Variants in RBM25 observed in about 807,000 individuals in gnomAD.
RBM25 encodes RNA binding motif protein 25.
In RBM25, 19 loss-of-function variants were observed where a neutral mutation model predicts 120.7. That is an observed-to-expected ratio of 0.16 (90% CI 0.11 to 0.23). RBM25 has a LOEUF of 0.23. RBM25 is among the 10% of genes least tolerant of loss of function. RBM25 has a pLI of 1.00. For synonymous variants in RBM25, 390 were observed against 326.7 expected (o/e 1.19, Z -2.09); for missense variants, 605 against 1,041.5 (o/e 0.58, Z 5.77).
rs34862161 is a variant in RBM25 at position 73,105,126 on chromosome 14, C to CTTTTTTTTTT, written c.1155-724_1155-715dup. 2.6e-4 allele frequency among the ~76,000 whole-genome samples: 29 copies of CTTTTTTTTTT among 109,520 alleles called. 2 individuals carry two copies. Among genetic ancestry groups the CTTTTTTTTTT allele is most frequent in the African/African-American group, 8.6e-4 (23 of 26,668 alleles). 71.8% of individuals were successfully genotyped at this position (109,520 alleles called of 152,430 possible). Reference sequence around the variant, plus strand: ...TGTAATCTGCAGTTTGGTTTTATTACTTTTTTTTTTTTTTTTTTGGAGACG... The same window carrying CTTTTTTTTTT: ...TGTAATCTGCAGTTTGGTTTTATTACTTTTTTTTTTTTTTTTTTTTTTTTTTTTGGAGACG... On this transcript the variant is annotated intron_variant, in intron 10 of 18. Transcript: ENST00000261973.
Position 73,098,220 on chromosome 14 carries a change from C to A in RBM25, c.729+1120C>A, listed in dbSNP as rs113110968. Reference sequence around the variant, plus strand: ...TTACGGCTCACTGCAGCCTTGAATACCCATCCTAAAGTGATCCTCATGTGT... The same window carrying A: ...TTACGGCTCACTGCAGCCTTGAATAACCATCCTAAAGTGATCCTCATGTGT... On this transcript the variant is annotated intron_variant, in intron 7 of 18. Coordinates refer to ENST00000261973, the MANE Select transcript of RBM25 (RefSeq NM_021239.3). Among the ~76,000 whole-genome samples the A allele has an allele frequency of 3.3e-3, 502 of 152,282 alleles. 1 individual carries two copies. Among genetic ancestry groups the A allele is most frequent in the African/African-American group, 0.012 (488 of 41,552 alleles).
intron 17 of RBM25, among the ~76,000 whole-genome samples, chr14:73,113,478 G>T (rs1303049153): frequency 1.3e-5 from 2 of 151,756 alleles, no homozygotes; most frequent in Non-Finnish European, 2.9e-5. Flanking sequence ...AACACTTGTG[G>T]TCACGAGTTT....
chr14:73,105,188 A>G (rs1313855015), intron 10 of RBM25, among the ~76,000 whole-genome samples: 1 of 144,198 alleles, frequency 6.9e-6, no homozygotes, highest in Non-Finnish European at 1.5e-5. Context: ...GGTCACTGTA[A>G]GCTCCAAGTC....
chr14:73,101,369 T>C (rs1566596301), intron 9 of RBM25: 1 of 152,054 alleles, frequency 6.6e-6, no homozygotes, highest in Non-Finnish European at 1.5e-5. Context: ...GAGAATAAGG[T>C]AAGATTTATG....
At chr14:73,068,181 A>T in intron 1 of RBM25, 1 of 845,804 alleles carries the variant, frequency 1.2e-6, no homozygotes, top group South Asian at 1.3e-5. Context: ...GTCTCTTGAT[A>T]TGTGGAAAGC....
chr14:73,109,708 G>A (rs867409083), intron 14 of RBM25, among the ~76,000 whole-genome samples: 1 of 152,080 alleles, frequency 6.6e-6, no homozygotes. Flanking sequence ...CAGGAGAATG[G>A]CGTGAACCCG....
intron 13 of RBM25, among the ~76,000 whole-genome samples, chr14:73,108,858 G>T (rs1896244660): frequency 6.6e-6 from 1 of 152,186 alleles, no homozygotes. Context: ...AACATTCTGA[G>T]AAGTAATGAA....
At chr14:73,074,981 C>A (rs1413660205) in intron 2 of RBM25, among the ~76,000 whole-genome samples, 5 of 149,906 alleles carry the variant, frequency 3.3e-5, no homozygotes, top group Non-Finnish European at 7.4e-5. Context: ...CGTGTCCCCT[C>A]ACTCCCTGCC....
At chr14:73,095,763 C>T (rs1895928529) in intron 6 of RBM25, among the ~76,000 whole-genome samples, 1 of 152,076 alleles carries the variant, frequency 6.6e-6, no homozygotes, top group Admixed American at 6.6e-5. Context: ...TGAAACTCAC[C>T]TTGAATAGAG....
At chr14:73,103,520 A>G in intron 10 of RBM25, 42 bp downstream of exon 10, 1 of 1,530,976 alleles carries the variant, frequency 6.5e-7, no homozygotes, top group Non-Finnish European at 8.7e-7. Context: ...TAGCTTTAAG[A>G]AAACTATCGG....
intron 9 of RBM25, chr14:73,100,924 G>A (rs192202707): frequency 1.9e-4 from 29 of 152,290 alleles, no homozygotes; most frequent in African/African-American, 6.7e-4. Flanking sequence ...CTGAAATTCA[G>A]GACCGAGTAA....
Position 73,099,759 on chromosome 14 carries a change from C to A in RBM25, c.867+9C>A, listed in dbSNP as rs1896021943. 6.3e-7 allele frequency: 1 copy of A among 1,594,216 alleles called. No homozygotes were observed. Among genetic ancestry groups the A allele is most frequent in the East Asian group, 2.3e-5 (1 of 44,252 alleles). On this transcript the variant is annotated intron_variant, in intron 9 of 18. Coordinates refer to ENST00000261973, the MANE Select transcript of RBM25 (RefSeq NM_021239.3). The stretch of plus-strand genomic sequence containing the variant: ...TCAGAGACACACATAAGGTAGTATT[C>A]TTGTCTTTTCACTTGATACCAATCT...
At chr14:73,099,597 T>G in intron 8 of RBM25, 70 bp from the exon 9 acceptor site, 1 of 1,585,274 alleles carries the variant, frequency 6.3e-7, no homozygotes, top group South Asian at 1.2e-5. Flanking sequence ...ACAGAATATC[T>G]AACCTTTAAC....
chr14:73,063,427 G>A (rs1164831969), intron 1 of RBM25, among the ~76,000 whole-genome samples: 1 of 151,334 alleles, frequency 6.6e-6, no homozygotes, highest in Admixed American at 6.6e-5. Flanking sequence ...GGGATTACAG[G>A]CTTGAGCCAC....
chr14:73,101,428 G>C (rs2140453566), intron 9 of RBM25: 1 of 151,680 alleles, frequency 6.6e-6, no homozygotes, highest in Admixed American at 6.6e-5. Context: ...CATAATTTTA[G>C]ACTCACCTCA....
intron 6 of RBM25, among the ~76,000 whole-genome samples, chr14:73,094,336 T>A (rs1895887745): frequency 6.6e-6 from 1 of 152,108 alleles, no homozygotes; most frequent in Non-Finnish European, 1.5e-5. Context: ...ACTTTTCTTC[T>A]AAAAATGTGA....
At chr14:73,069,403 A>G (rs1339038405) in intron 1 of RBM25, among the ~76,000 whole-genome samples, 2 of 152,122 alleles carry the variant, frequency 1.3e-5, no homozygotes, top group Non-Finnish European at 2.9e-5. Flanking sequence ...TTCTCTTTTT[A>G]TGTTTCTGTA....
chr14:73,101,472 A>G (rs1476710866), intron 9 of RBM25: 1 of 70,648 alleles, frequency 1.4e-5, no homozygotes, highest in Non-Finnish European at 2.3e-5. Context: ...AAAAATATAC[A>G]TGTATGTTTA....
chr14:73,109,610 G>A (rs951025238), intron 14 of RBM25, 118 bp downstream of exon 14: 157 of 906,424 alleles, frequency 1.7e-4, no homozygotes, highest in Non-Finnish European at 2.3e-4. Context: ...TGGCTAACAC[G>A]GTGAAACCCC....
Sources: gnomAD v4.1 joint callset for allele counts (sites outside exome capture counted in the v4.1 genomes callset) on GRCh38, gnomAD v4.1.1 for gene constraint, MANE v1.5 for transcripts, NCBI Gene and HGNC (gene_info 2026-07-23, HGNC 2026-07-21) for gene names.